Variants in ACOT2 observed in about 807,000 individuals in gnomAD.
ACOT2 encodes acyl-coenzyme A thioesterase 2, mitochondrial.
ACOT2 carries 15 observed loss-of-function variants against 20.1 expected under a neutral mutation model. That is an observed-to-expected ratio of 0.75 (90% CI 0.50 to 1.15). The LOEUF is 1.15. Among genes scored for constraint, ACOT2 ranks in the 50% most tolerant of loss-of-function variants. ACOT2 has a pLI of 0.00. For synonymous variants in ACOT2, 252 were observed against 268.4 expected (o/e 0.94, Z 0.60); for missense variants, 479 against 615.3 (o/e 0.78, Z 2.34).
chr14:73,567,688 A>G (rs1889630742), upstream of ACOT2: 1 of 152,048 alleles, frequency 6.6e-6, no homozygotes, highest in South Asian at 2.1e-4. Flanking sequence ...AAACCTTGCT[A>G]CTGCTCCTTC....
chr14:73,575,212 T>TA lies in ACOT2; in HGVS notation c.1152dup (p.Gly385ArgfsTer4). 1.0e-6 allele frequency: 1 copy of TA among 980,422 alleles called. No homozygotes were observed. Among genetic ancestry groups the TA allele is most frequent in the Middle Eastern group, 3.1e-4 (1 of 3,266 alleles). 60.7% of individuals were successfully genotyped at this position (980,422 alleles called of 1,614,324 possible). ...GCAGAGAGCACCTTCCTGTTCCTGG[T>TA]AGGTCAGGATGACCACAACTGGAAG... On this transcript the variant is annotated frameshift_variant, in exon 3 of 3. Coordinates refer to ENST00000238651, the MANE Select transcript of ACOT2 (RefSeq NM_006821.6). LOFTEE classifies it low-confidence loss of function (END_TRUNC).
At chr14:73,574,435 C>A in intron 2 of ACOT2, 1 of 243,688 alleles carries the variant, frequency 4.1e-6, no homozygotes, top group Non-Finnish European at 8.0e-6. Flanking sequence ...CCGGCTAATT[C>A]TTGTATTTTT....
intron 2 of ACOT2, among the ~76,000 whole-genome samples, chr14:73,573,926 A>T (rs945124181): frequency 6.6e-6 from 1 of 151,976 alleles, no homozygotes; most frequent in Non-Finnish European, 1.5e-5. Flanking sequence ...GGGGTTTCAC[A>T]ATATTGGTCA....
chr14:73,572,686 C>T (rs1400085457), intron 1 of ACOT2, among the ~76,000 whole-genome samples: 8 of 138,138 alleles, frequency 5.8e-5, no homozygotes, highest in African/African-American at 7.9e-5. Context: ...CTCGCTCTTT[C>T]GCCCAGGCTG....
upstream of ACOT2, chr14:73,568,031 A>G (rs1242425375): frequency 6.6e-6 from 1 of 152,422 alleles, no homozygotes; most frequent in Non-Finnish European, 1.5e-5. Flanking sequence ...AGCGAGACCA[A>G]GAATCCACCA....
upstream of ACOT2, chr14:73,569,103 C>T: frequency 9.6e-7 from 1 of 1,043,426 alleles, no homozygotes; most frequent in South Asian, 1.6e-5. Flanking sequence ...GTGGAGGTTT[C>T]AACACAGGAG....
At chr14:73,573,627 T>C (rs1489406712) in intron 2 of ACOT2, 37 bp downstream of exon 2, 1 of 1,610,590 alleles carries the variant, frequency 6.2e-7, no homozygotes, top group African/African-American at 1.3e-5. Flanking sequence ...CTATGATGTA[T>C]CAGGTCTCTT....
chr14:73,574,875 A>C (rs1889848150), intron 2 of ACOT2, 33 bp from the exon 3 acceptor site: 3 of 1,613,392 alleles, frequency 1.9e-6, no homozygotes, highest in Non-Finnish European at 8.5e-7. Context: ...TTGTGGAATC[A>C]TTCTTCTTCT....
chr14:73,569,307 T>A lies in ACOT2; in HGVS notation c.67T>A (p.Ser23Thr). 1 of 1,613,932 alleles carries A rather than the reference T, an allele frequency of 6.2e-7. No homozygotes were observed. Among genetic ancestry groups the A allele is most frequent in the Non-Finnish European group, 8.5e-7 (1 of 1,179,792 alleles). The stretch of plus-strand genomic sequence containing the variant: ...TCTCAGGTCTGAATTCAAAATGGCC[T>A]CATCTCCTGCTGTCCTTCGAGCGTC... ...VVLRSEFKMA[S>T]SPAVLRASRL... The change falls in exon 1 of 3, where the codon TCA becomes ACA. Residue 23 changes from serine to threonine, a missense_variant. Transcript: ENST00000238651.
chr14:73,574,480 C>T, intron 2 of ACOT2: 1 of 315,710 alleles, frequency 3.2e-6, no homozygotes, highest in South Asian at 3.2e-5. Flanking sequence ...CCAGACTGAT[C>T]TCAAACTCCT....
chr14:73,575,630 CATT>C lies in ACOT2; in HGVS notation c.*122_*124del. 1.9e-6 allele frequency: 3 copies of C among 1,545,746 alleles called. No individual in the cohort carries two copies. The highest frequency in any genetic ancestry group is 2.6e-6 in the Non-Finnish European group (3 of 1,151,756). ...TTTAATAACTAAAGTTTTTTCCCCT[CATT>C]ATTAAAATGAATTTACCAGTAAGAA... On this transcript the variant is annotated 3_prime_UTR_variant, in exon 3 of 3. Transcript: ENST00000238651.
At chr14:73,570,342 G>T (rs1889701071) in intron 1 of ACOT2, among the ~76,000 whole-genome samples, 1 of 151,804 alleles carries the variant, frequency 6.6e-6, no homozygotes, top group South Asian at 2.1e-4. Flanking sequence ...AGTCTCGGCG[G>T]GCAGATCACG....
intron 1 of ACOT2, among the ~76,000 whole-genome samples, chr14:73,570,903 TAA>T (rs56094300): frequency 0.31 from 42,493 of 137,312 alleles, 6,835 homozygotes; most frequent in East Asian, 0.53. Flanking sequence ...GACTCTATCT[TAA>T]AAAAAAAAAA....
At chr14:73,571,698 G>A (rs1477134622) in intron 1 of ACOT2, 4 of 151,992 alleles carry the variant, frequency 2.6e-5, no homozygotes, top group African/African-American at 7.2e-5. Context: ...TGTGCTCATC[G>A]CTGCCGGGGC....
chr14:73,569,109 A>T (rs1206031127), upstream of ACOT2: 1 of 1,083,420 alleles, frequency 9.2e-7, no homozygotes, highest in Admixed American at 2.3e-5. Context: ...GTTTCAACAC[A>T]GGAGACTTTA....
rs1042214652 is a variant in ACOT2 at position 73,573,430 on chromosome 14, G to C, written c.686G>C (p.Gly229Ala). 1.2e-6 allele frequency: 2 copies of C among 1,613,620 alleles called. No homozygotes were observed. The highest frequency in any genetic ancestry group is 1.7e-6 in the Non-Finnish European group (2 of 1,179,752). Residue 229 changes from glycine (G) to alanine (A), a missense_variant, in exon 2 of 3, where the codon GGA becomes GCA. Physicochemically the swap from Gly to Ala is moderately conservative, Grantham distance 60 (BLOSUM62 0). Coordinates refer to ENST00000238651, the MANE Select transcript of ACOT2 (RefSeq NM_006821.6). The stretch of plus-strand genomic sequence containing the variant: ...GGGATTGTGGACATGTTCGGAACTG[G>C]AGGTGGCCTGCTGGAGTATCGGGCT... ...FPGIVDMFGT[G>A]GGLLEYRASL...
intron 1 of ACOT2, chr14:73,571,332 C>T (rs1169120973): frequency 6.1e-5 from 10 of 163,652 alleles, no homozygotes; most frequent in Non-Finnish European, 1.2e-4. Flanking sequence ...TAATTCACTC[C>T]ACAAGCTGGG....
chr14:73,573,302 A>T, intron 1 of ACOT2, 86 bp from the exon 2 acceptor site: 2 of 1,587,580 alleles, frequency 1.3e-6, no homozygotes, highest in Non-Finnish European at 1.7e-6. Flanking sequence ...GCTGGGTCAC[A>T]TGTGTGGTAA....
intron 1 of ACOT2, among the ~76,000 whole-genome samples, chr14:73,570,215 T>TG (rs1344915054): frequency 6.6e-6 from 1 of 151,630 alleles, no homozygotes; most frequent in Non-Finnish European, 1.5e-5. Flanking sequence ...GAAAGCTGAT[T>TG]GGGGAAGTGT....
Sources: gnomAD v4.1 joint callset for allele counts (sites outside exome capture counted in the v4.1 genomes callset) on GRCh38, gnomAD v4.1.1 for gene constraint, MANE v1.5 for transcripts, NCBI Gene and HGNC (gene_info 2026-07-23, HGNC 2026-07-21) for gene names.